Variants in MAST2 observed in about 807,000 individuals in gnomAD.
MAST2 encodes microtubule-associated serine/threonine-protein kinase 2.
A neutral mutation model predicts 147.4 loss-of-function variants in MAST2; 70 were observed. The ratio of observed to expected loss-of-function variants is 0.47; its 90% CI spans 0.39 to 0.58. The LOEUF (loss-of-function observed/expected upper bound fraction) is 0.58, where lower values mean the gene tolerates loss of function less well. Ranked by LOEUF, MAST2 falls within the 20% of genes least tolerant of loss-of-function variation. The pLI is 0.00. For synonymous variants in MAST2, 869 were observed against 896.8 expected (o/e 0.97, Z 0.55); for missense variants, 2,080 against 2,302.3 (o/e 0.90, Z 1.98).
chr1:45,982,152 A>T (rs1644436375), intron 5 of MAST2, among the ~76,000 whole-genome samples: 1 of 152,106 alleles, frequency 6.6e-6, no homozygotes, highest in South Asian at 2.1e-4. Context: ...CCCGGCTGTA[A>T]TTTTGGCCTT....
chr1:45,926,971 G>A (rs1172264534), intron 4 of MAST2, among the ~76,000 whole-genome samples: 4 of 152,112 alleles, frequency 2.6e-5, no homozygotes, highest in African/African-American at 4.8e-5. Flanking sequence ...TTTCCTAAGC[G>A]TCGGCTGGCT....
chr1:45,876,115 A>T lies in MAST2; in HGVS notation c.469-6249A>T, dbSNP rs570632086. 2.0e-5 allele frequency among the ~76,000 whole-genome samples: 3 copies of T among 152,318 alleles called. No individual in the cohort carries two copies. The South Asian group carries it at 6.2e-4, about 32-fold the overall frequency. On this transcript the variant is annotated intron_variant, in intron 3 of 28. Transcript: ENST00000361297. ...TCAGGTGCTGTTGAGCAGTGGAGCC[A>T]AAAAAGATAGGTGGACTAAAAATGC... is the stretch of plus-strand genomic sequence containing the variant.
intron 26 of MAST2, 78 bp downstream of exon 26, chr1:46,032,796 G>T: frequency 6.7e-7 from 1 of 1,498,610 alleles, no homozygotes; most frequent in Non-Finnish European, 9.0e-7. Context: ...TAGGGGAGTG[G>T]GTGAGTTGGG....
At chr1:45,977,282 G>A (rs948822058) in intron 5 of MAST2, among the ~76,000 whole-genome samples, 2 of 150,972 alleles carry the variant, frequency 1.3e-5, no homozygotes, top group Non-Finnish European at 2.9e-5. Flanking sequence ...GAGGTCAGGA[G>A]TTCGAGACCA....
intron 1 of MAST2, among the ~76,000 whole-genome samples, chr1:45,815,568 T>C (rs1486463077): frequency 6.6e-6 from 1 of 152,192 alleles, no homozygotes; most frequent in Non-Finnish European, 1.5e-5. Context: ...AGTTATTTCA[T>C]AGGGGTGTTA....
At chr1:45,901,806 C>T (rs993079533) in intron 4 of MAST2, among the ~76,000 whole-genome samples, 2 of 152,106 alleles carry the variant, frequency 1.3e-5, no homozygotes, top group Admixed American at 6.6e-5. Flanking sequence ...TATAGAAATG[C>T]AACTGATTTG....
intron 3 of MAST2, among the ~76,000 whole-genome samples, 157 bp from the exon 4 acceptor site, chr1:45,882,207 T>TA (rs372665703): frequency 8.8e-6 from 1 of 114,066 alleles, no homozygotes; most frequent in African/African-American, 3.2e-5. Flanking sequence ...AAAAAAAAAA[T>TA]AAATAAAATT....
At chr1:45,958,953 C>T (rs1474182114) in intron 4 of MAST2, among the ~76,000 whole-genome samples, 4 of 152,222 alleles carry the variant, frequency 2.6e-5, no homozygotes, top group Admixed American at 6.5e-5. Flanking sequence ...ACGGACTAAA[C>T]GTTCTAAAAA....
At chr1:45,822,155 C>A (rs1054258644) in intron 1 of MAST2, among the ~76,000 whole-genome samples, 5 of 152,042 alleles carry the variant, frequency 3.3e-5, no homozygotes, top group Admixed American at 2.6e-4. Flanking sequence ...TCCCAAAGTT[C>A]TGGGATTACA....
chr1:46,033,163 A>C (rs1646750006), intron 26 of MAST2, among the ~76,000 whole-genome samples: 1 of 151,618 alleles, frequency 6.6e-6, no homozygotes, highest in African/African-American at 2.4e-5. Context: ...AATCCCGGCT[A>C]CTCGGGAGGC....
intron 11 of MAST2, among the ~76,000 whole-genome samples, chr1:46,021,544 A>T (rs1328354258): frequency 1.3e-5 from 2 of 152,210 alleles, no homozygotes; most frequent in Non-Finnish European, 2.9e-5. Context: ...TTGAAGGTAT[A>T]CATGCACCAG....
intron 5 of MAST2, among the ~76,000 whole-genome samples, chr1:45,967,458 C>T (rs1173412459): frequency 1.3e-5 from 2 of 152,112 alleles, no homozygotes; most frequent in East Asian, 1.9e-4. Context: ...TTAATTAACA[C>T]ATAATTTGTA....
At chr1:45,834,752 C>T (rs1238771248) in intron 3 of MAST2, among the ~76,000 whole-genome samples, 1 of 152,138 alleles carries the variant, frequency 6.6e-6, no homozygotes, top group Non-Finnish European at 1.5e-5. Context: ...ATGTTCTTCT[C>T]ATCTGTAAAA....
At chr1:45,986,437 C>G (rs939772227) in intron 5 of MAST2, among the ~76,000 whole-genome samples, 1 of 151,944 alleles carries the variant, frequency 6.6e-6, no homozygotes, top group African/African-American at 2.4e-5. Context: ...TCGTTTATGC[C>G]GGGCACGGTG....
chr1:45,996,582 AT>A (rs1304698444), intron 5 of MAST2, among the ~76,000 whole-genome samples: 4 of 152,082 alleles, frequency 2.6e-5, no homozygotes, highest in Admixed American at 2.6e-4. Flanking sequence ...GAAGTTGTAT[AT>A]TTTATGCACC....
chr1:45,868,765 T>C (rs750204901), intron 3 of MAST2, among the ~76,000 whole-genome samples: 2 of 152,178 alleles, frequency 1.3e-5, no homozygotes, highest in East Asian at 3.8e-4. Flanking sequence ...AAAAACAAAA[T>C]CTTCAAGAAC....
chr1:45,959,281 T>C, intron 4 of MAST2, 105 bp from the exon 5 acceptor site: 1 of 766,978 alleles, frequency 1.3e-6, no homozygotes, highest in Non-Finnish European at 2.2e-6. Context: ...AAGTATACTG[T>C]GCGGCCCGTG....
chr1:46,028,729 C>T, intron 17 of MAST2, 39 bp from the exon 18 acceptor site: 5 of 1,611,606 alleles, frequency 3.1e-6, no homozygotes, highest in Middle Eastern at 1.8e-4. Flanking sequence ...CAGTCAGCAG[C>T]CTCAGGAGGC....
intron 3 of MAST2, among the ~76,000 whole-genome samples, chr1:45,865,613 C>G (rs1646120982): frequency 6.6e-6 from 1 of 152,200 alleles, no homozygotes; most frequent in African/African-American, 2.4e-5. Flanking sequence ...TCTGTGTTGT[C>G]TGTCCATCCA....
Sources: allele counts gnomAD v4.1 joint callset (sites outside exome capture counted in the v4.1 genomes callset), GRCh38; gene constraint gnomAD v4.1.1; transcripts MANE v1.5; gene names NCBI Gene and HGNC (gene_info 2026-07-23, HGNC 2026-07-21).